SUPT16H: variants seen among roughly 807,000 people sequenced by gnomAD.
SUPT16H encodes the protein SPT16 homolog, facilitates chromatin remodeling subunit.
In SUPT16H, 24 loss-of-function variants were observed where a neutral mutation model predicts 136.2. That is an observed-to-expected ratio of 0.18 (90% CI 0.13 to 0.25). The LOEUF (loss-of-function observed/expected upper bound fraction) is 0.25, where lower values mean the gene tolerates loss of function less well. Among genes scored for constraint, SUPT16H ranks in the 10% least tolerant of loss-of-function variants. The pLI is 1.00. For synonymous variants in SUPT16H, 415 were observed against 428.2 expected (o/e 0.97, Z 0.38); for missense variants, 623 against 1,270.2 (o/e 0.49, Z 7.74).
chr14:21,362,094 G>A, intron 15 of SUPT16H, 103 bp downstream of exon 15: 1 of 1,388,426 alleles, frequency 7.2e-7, no homozygotes, highest in Non-Finnish European at 9.7e-7. Flanking sequence ...GGAAGGCTTT[G>A]ACATTTACTA....
At chr14:21,378,965 C>T (rs927572876) in intron 1 of SUPT16H, among the ~76,000 whole-genome samples, 8 of 152,104 alleles carry the variant, frequency 5.3e-5, no homozygotes, top group South Asian at 4.1e-4. Context: ...AGAAATAGTG[C>T]AGCAGCAGAA....
intron 1 of SUPT16H, among the ~76,000 whole-genome samples, chr14:21,377,188 C>T (rs992676180): frequency 6.6e-6 from 1 of 151,812 alleles, no homozygotes; most frequent in Admixed American, 6.6e-5. Context: ...AATGCAGGGA[C>T]CAAAATGATC....
In SUPT16H at chr14:21,351,922, T is replaced by G. The variant is rs61977521; in HGVS notation, c.*751A>C. 2 of 152,696 alleles carry G rather than the reference T, an allele frequency of 1.3e-5. No homozygotes were observed. The highest frequency in any genetic ancestry group is 2.4e-5 in the African/African-American group (1 of 41,436). 9.5% of individuals were successfully genotyped at this position (152,696 alleles called of 1,614,324 possible). A position where few individuals can be genotyped will look rare whatever the true frequency, so the allele number is the denominator to read the frequency against. Reference sequence around the variant, plus strand: ...TCTACATTTCACTAGAAGCGGTACATGAGGCACAACCTGATATATCTTCCT... The same window carrying G: ...TCTACATTTCACTAGAAGCGGTACAGGAGGCACAACCTGATATATCTTCCT... On this transcript the variant is annotated 3_prime_UTR_variant, in exon 26 of 26. Transcript: ENST00000216297.
At chr14:21,354,330 T>A in intron 23 of SUPT16H, 81 bp downstream of exon 23, 1 of 1,559,144 alleles carries the variant, frequency 6.4e-7, no homozygotes, top group Non-Finnish European at 8.7e-7. Context: ...GTCCCTTATG[T>A]ACTACTCATA....
chr14:21,368,156 T>C, intron 7 of SUPT16H, 113 bp downstream of exon 7: 1 of 1,089,506 alleles, frequency 9.2e-7, no homozygotes, highest in South Asian at 1.6e-5. Flanking sequence ...TGGATTCAAG[T>C]GATCCTCCTG....
intron 21 of SUPT16H, 50 bp downstream of exon 21, chr14:21,357,873 CTTCT>C (rs1197362651): frequency 1.7e-5 from 26 of 1,509,014 alleles, no homozygotes; most frequent in East Asian, 4.5e-5. Flanking sequence ...AACACCTATC[CTTCT>C]TTATTTTCTC....
In SUPT16H at chr14:21,351,525, C is replaced by T. The variant is rs140648531; in HGVS notation, c.*1148G>A. ...AACCCAGTTTATTCATCTTTTAGTT[C>T]TTCCAAAATTGAAAATATCAAGTCC... On this transcript the variant is annotated 3_prime_UTR_variant, in exon 26 of 26. Coordinates refer to ENST00000216297, the MANE Select transcript of SUPT16H (RefSeq NM_007192.4). The T allele has an allele frequency of 1.6e-4, 36 of 226,840 alleles. No individual in the cohort carries two copies. The East Asian group carries it at 3.4e-3, about 22-fold the overall frequency. 14.1% of individuals were successfully genotyped at this position (226,840 alleles called of 1,614,324 possible).
At chr14:21,379,806 G>A (rs1290531940) in intron 1 of SUPT16H, among the ~76,000 whole-genome samples, 1 of 152,122 alleles carries the variant, frequency 6.6e-6, no homozygotes, top group East Asian at 1.9e-4. Flanking sequence ...ATCACCTGAG[G>A]CTGGTTTGGT....
chr14:21,351,785 CTG>C lies in SUPT16H; in HGVS notation c.*886_*887del, dbSNP rs1491207210. The C allele has an allele frequency of 6.5e-6, 1 of 152,954 alleles. No homozygotes were observed. Among genetic ancestry groups the C allele is most frequent in the Non-Finnish European group, 1.5e-5 (1 of 68,280 alleles). 9.5% of individuals were successfully genotyped at this position (152,954 alleles called of 1,614,324 possible). A position where few individuals can be genotyped will look rare whatever the true frequency, so the allele number is the denominator to read the frequency against. On this transcript the variant is annotated 3_prime_UTR_variant, in exon 26 of 26. Coordinates refer to ENST00000216297, the MANE Select transcript of SUPT16H (RefSeq NM_007192.4). ...AATAAGGAGCAGCAGTGCCGAGAGG[CTG>C]TGTTGTAGATATGGCCTCCCTTCCT...
At chr14:21,365,985 C>G (rs1037831856) in intron 8 of SUPT16H, among the ~76,000 whole-genome samples, 2 of 151,972 alleles carry the variant, frequency 1.3e-5, no homozygotes, top group African/African-American at 4.8e-5. Context: ...TGCCTTGGTC[C>G]CAGTTATTGG....
At chr14:21,360,289 A>G (rs1806829109) in intron 18 of SUPT16H, 126 bp downstream of exon 18, 2 of 678,000 alleles carry the variant, frequency 2.9e-6, no homozygotes, top group South Asian at 4.1e-5. Context: ...CGGCCTCCCA[A>G]AGTGCTGGGA....
intron 7 of SUPT16H, among the ~76,000 whole-genome samples, chr14:21,367,617 T>C (rs1166386433): frequency 6.6e-6 from 1 of 152,234 alleles, no homozygotes; most frequent in African/African-American, 2.4e-5. Context: ...CGTTTTGATG[T>C]AGGATTAACA....
In SUPT16H at chr14:21,354,494, T is replaced by C. The variant is rs370518325; in HGVS notation, c.2707A>G (p.Thr903Ala). The change falls in exon 23 of 26, where the codon ACT becomes GCT. Residue 903 changes from threonine to alanine, a missense_variant. Physicochemically the swap from Thr to Ala is moderately conservative, Grantham distance 58. Around this residue, in one of 7 missense-constraint regions of SUPT16H, gnomAD observed 74 missense variants for 193.8 expected, o/e 0.38. Transcript: ENST00000216297. ...TCAACAATGGTCTTCATGATTTTAG[T>C]CCAGTTGAGGGACTGTACTCCTTCT... ...YTEGVQSLNW[T>A]KIMKTIVDDP... 19 of 1,614,070 alleles carry C rather than the reference T, an allele frequency of 1.2e-5. No individual in the cohort carries two copies. Among genetic ancestry groups the C allele is most frequent in the Non-Finnish European group, 1.6e-5 (19 of 1,180,020 alleles).
chr14:21,382,031 GA>G (rs947870888), intron 1 of SUPT16H, among the ~76,000 whole-genome samples: 1 of 152,076 alleles, frequency 6.6e-6, no homozygotes, highest in African/African-American at 2.4e-5. Context: ...TATCCAGGAG[GA>G]TAAGCGACTA....
chr14:21,353,191 G>C lies in SUPT16H; in HGVS notation c.2998+297C>G, dbSNP rs574763440. 3.9e-5 allele frequency among the ~76,000 whole-genome samples: 6 copies of C among 152,296 alleles called. No homozygotes were observed. In the East Asian group the frequency reaches 1.2e-3, roughly 29 times the overall value. On this transcript the variant is annotated intron_variant, in intron 25 of 25. Transcript: ENST00000216297. ...GGATTTAGGTTTGGAAACTGAGTAG[G>C]CTAATTCTTGAGTATTACATGAATA...
intron 17 of SUPT16H, 82 bp from the exon 18 acceptor site, chr14:21,360,615 C>T (rs1213182587): frequency 7.5e-7 from 1 of 1,329,634 alleles, no homozygotes; most frequent in East Asian, 2.3e-5. Flanking sequence ...CTGATTTGCA[C>T]AGGGTCAGAG....
chr14:21,383,335 T>G, intron 1 of SUPT16H: 2 of 436,656 alleles, frequency 4.6e-6, no homozygotes, highest in Non-Finnish European at 8.2e-6. Context: ...GCCTAGAACA[T>G]GAGGCGGTTG....
At chr14:21,369,653 A>G in intron 5 of SUPT16H, 97 bp downstream of exon 5, 1 of 1,485,342 alleles carries the variant, frequency 6.7e-7, no homozygotes, top group Non-Finnish European at 9.2e-7. Context: ...GTCAGTCTTA[A>G]TTTCAAAGGA....
At chr14:21,361,311 C>CTT (rs35486887) in intron 15 of SUPT16H, 98 bp from the exon 16 acceptor site, 106,721 of 441,780 alleles carry the variant, frequency 0.24, 12,788 homozygotes, top group East Asian at 0.27. Flanking sequence ...CTCTACTTTG[C>CTT]TTTTTTTTTT....
Sources: allele counts gnomAD v4.1 joint callset (sites outside exome capture counted in the v4.1 genomes callset), GRCh38; gene constraint gnomAD v4.1.1; regional missense constraint gnomAD v4.1.1; transcripts MANE v1.5; gene names NCBI Gene and HGNC (gene_info 2026-07-23, HGNC 2026-07-21).